The following TUBGCP4 variants were observed in gnomAD, a reference collection of about 807,000 sequenced individuals.
TUBGCP4 encodes gamma-tubulin complex component 4.
Under a neutral mutation model 91.6 loss-of-function variants are expected in TUBGCP4, and 54 were observed. That is an observed-to-expected ratio of 0.59 (90% confidence interval 0.47 to 0.74). TUBGCP4 has a LOEUF of 0.74. Among genes scored for constraint, TUBGCP4 ranks in the 30% least tolerant of loss-of-function variants. The pLI is 0.00. For synonymous variants in TUBGCP4, 297 were observed against 302.8 expected, an observed-to-expected ratio of 0.98 and a Z score of 0.20; for missense variants, 593 against 800.9, an observed-to-expected ratio of 0.74 and a Z score of 3.13.
rs1566892857 is a variant in TUBGCP4 at position 43,383,425 on chromosome 15, G to C, written c.644G>C (p.Ser215Thr). Residue 215 changes from serine to threonine, a missense_variant, in exon 7 of 18, where the codon AGT becomes ACT. Transcript: ENST00000564079. ...CAGGGGCCATCTTCTGGTAATGTCA[G>C]TGCCCAGCCAGAAGAGGACGAGGAG... ...IKQGPSSGNV[S>T]AQPEEDEEDL... 3 of 1,614,100 alleles carry C rather than the reference G, an allele frequency of 1.9e-6. No individual in the cohort carries two copies. The highest frequency in any genetic ancestry group is 2.5e-6 in the Non-Finnish European group (3 of 1,180,004).
intron 1 of TUBGCP4, among the ~76,000 whole-genome samples, chr15:43,372,200 T>C (rs1002262930): frequency 2.0e-5 from 3 of 152,168 alleles, no homozygotes; most frequent in Non-Finnish European, 2.9e-5. Flanking sequence ...AGTTAACAAA[T>C]GAGCAAACTG....
chr15:43,407,737 A>G lies in TUBGCP4; in HGVS notation c.*2523A>G, dbSNP rs1383635104. ...GACCAAAGGCAGAGTTATAATCACTATGTGCTGACCTTGTAGAAATATTTA... is the reference window on the plus strand; with the variant it reads ...GACCAAAGGCAGAGTTATAATCACTGTGTGCTGACCTTGTAGAAATATTTA... On this transcript the variant is annotated 3_prime_UTR_variant, in exon 18 of 18. Coordinates refer to ENST00000564079, the MANE Select transcript of TUBGCP4 (RefSeq NM_014444.5). The G allele has an allele frequency of 1.0e-5, 8 of 783,200 alleles. No homozygotes were observed. Among genetic ancestry groups the G allele is most frequent in the East Asian group, 2.7e-5 (1 of 37,288 alleles). The allele number at this position is 783,200 out of a possible 1,614,324, so 48.5% of individuals were successfully genotyped here.
At chr15:43,384,743 G>A (rs1018242286) in intron 7 of TUBGCP4, among the ~76,000 whole-genome samples, 21 of 152,180 alleles carry the variant, frequency 1.4e-4, no homozygotes, top group Non-Finnish European at 2.5e-4. Context: ...GGGGGCTATT[G>A]AATTTTAAGC....
At chr15:43,382,115 G>A (rs982359779) in intron 6 of TUBGCP4, among the ~76,000 whole-genome samples, 1 of 152,036 alleles carries the variant, frequency 6.6e-6, no homozygotes, top group Non-Finnish European at 1.5e-5. Context: ...AGGAGGCTGA[G>A]GTGGGAGGGT....
chr15:43,401,374 C>G (rs1435502385), intron 14 of TUBGCP4, among the ~76,000 whole-genome samples: 1 of 151,464 alleles, frequency 6.6e-6, no homozygotes, highest in Non-Finnish European at 1.5e-5. Flanking sequence ...TTGCTTGAAC[C>G]CTGGTATGTG....
chr15:43,386,745 A>AAAT (rs1458451773), intron 9 of TUBGCP4, among the ~76,000 whole-genome samples: 6 of 151,300 alleles, frequency 4.0e-5, no homozygotes, highest in African/African-American at 1.5e-4. Context: ...AAAAAAAAAA[A>AAAT]AAAAGACACT....
intron 9 of TUBGCP4, among the ~76,000 whole-genome samples, chr15:43,388,501 C>T (rs1027068317): frequency 5.3e-5 from 8 of 152,136 alleles, no homozygotes; most frequent in African/African-American, 1.9e-4. Flanking sequence ...GCTTCAACCC[C>T]GTCTATAGGC....
chr15:43,407,869 G>A lies in TUBGCP4; in HGVS notation c.*2655G>A. The A allele has an allele frequency of 6.9e-7, 1 of 1,439,164 alleles. No homozygotes were observed. Among genetic ancestry groups the A allele is most frequent in the Non-Finnish European group, 9.4e-7 (1 of 1,065,714 alleles). 89.1% of individuals were successfully genotyped at this position (1,439,164 alleles called of 1,614,324 possible). A position where few individuals can be genotyped will look rare whatever the true frequency, so the allele number is the denominator to read the frequency against. The stretch of plus-strand genomic sequence containing the variant: ...GTCAACCTATTAGGCCTGAGCCTTG[G>A]ACCACAAGGCCTAACACCTACAGGT... On this transcript the variant is annotated 3_prime_UTR_variant, in exon 18 of 18. Coordinates refer to ENST00000564079, the MANE Select transcript of TUBGCP4 (RefSeq NM_014444.5).
chr15:43,379,377 C>T (rs1360672934), intron 5 of TUBGCP4, among the ~76,000 whole-genome samples: 2 of 152,206 alleles, frequency 1.3e-5, no homozygotes, highest in Non-Finnish European at 2.9e-5. Flanking sequence ...CATGGTGGCT[C>T]ACGCCTGTAA....
At chr15:43,380,269 G>A (rs1298386363) in intron 6 of TUBGCP4, 106 bp downstream of exon 6, 2 of 1,025,892 alleles carry the variant, frequency 1.9e-6, no homozygotes, top group Non-Finnish European at 2.9e-6. Context: ...CTCTTGGGAA[G>A]GTTATAACCA....
At chr15:43,395,227 C>G in intron 10 of TUBGCP4, 70 bp downstream of exon 10, 2 of 1,559,514 alleles carry the variant, frequency 1.3e-6, no homozygotes, top group Non-Finnish European at 1.8e-6. Context: ...CTGATGTTTC[C>G]TGAGAGCACT....
chr15:43,372,495 C>T lies in TUBGCP4; in HGVS notation c.78+1063C>T, dbSNP rs1158103844. ...ACCTGTAGGTCTTTGAAGACTAATTCGATGTTTCACTTTTCTCCATAGATC... is the reference window on the plus strand; with the variant it reads ...ACCTGTAGGTCTTTGAAGACTAATTTGATGTTTCACTTTTCTCCATAGATC... On this transcript the variant is annotated intron_variant, in intron 1 of 17. Coordinates refer to ENST00000564079, the MANE Select transcript of TUBGCP4 (RefSeq NM_014444.5). Among the ~76,000 whole-genome samples, 4 of 151,934 alleles carry T rather than the reference C, an allele frequency of 2.6e-5. No homozygotes were observed. In the East Asian group the frequency reaches 7.7e-4, roughly 29 times the overall value.
rs531085922 is a variant in TUBGCP4, at chr15:43,387,944, G to C, written c.1014+1614G>C. ...GCTCACTACAAACTCCGCCTCCCGG[G>C]TTGAAGCAATTCACGTGCCTCAGCC... On this transcript the variant is annotated intron_variant, in intron 9 of 17. Transcript: ENST00000564079. 3.9e-5 allele frequency among the ~76,000 whole-genome samples: 6 copies of C among 152,230 alleles called. No homozygotes were observed. The South Asian group carries it at 1.2e-3, about 32-fold the overall frequency.
At position 43,408,833 on chromosome 15, in the gene TUBGCP4, C is replaced by T. The variant is rs148650145; in HGVS notation, c.*3619C>T. On this transcript the variant is annotated 3_prime_UTR_variant, in exon 18 of 18. Transcript: ENST00000564079. ...AAAGCTTTACTCTCTCACCTAGATT[C>T]TCTTCCCTCCAAAGCTTGCTGTCCT... is the stretch of plus-strand genomic sequence containing the variant. 2 of 1,521,130 alleles carry T rather than the reference C, an allele frequency of 1.3e-6. No homozygotes were observed. The highest frequency in any genetic ancestry group is 1.8e-6 in the Non-Finnish European group (2 of 1,098,136). 94.2% of individuals were successfully genotyped at this position (1,521,130 alleles called of 1,614,324 possible).
chr15:43,400,384 CATTTTATTTT>C (rs1044634598), intron 14 of TUBGCP4, among the ~76,000 whole-genome samples, 163 bp downstream of exon 14: 1 of 152,012 alleles, frequency 6.6e-6, no homozygotes, highest in South Asian at 2.1e-4. Flanking sequence ...ATAAAAAAAG[CATTTTATTTT>C]ATTTTATTTT....
Position 43,371,197 on chromosome 15 carries a change from C to T in TUBGCP4, c.-158C>T. On this transcript the variant is annotated 5_prime_UTR_variant, in exon 1 of 18. Coordinates refer to ENST00000564079, the MANE Select transcript of TUBGCP4 (RefSeq NM_014444.5). ...CGACCCCTTCCCAGCTTCCCGTCCG[C>T]TCCGCCGCAGCGATTGTCTCGGTGG... 1 of 732,964 alleles carries T rather than the reference C, an allele frequency of 1.4e-6. No individual in the cohort carries two copies. The highest frequency in any genetic ancestry group is 2.7e-5 in the East Asian group (1 of 36,966). The allele number at this position is 732,964 out of a possible 1,614,324, so 45.4% of individuals were successfully genotyped here. A position where few individuals can be genotyped will look rare whatever the true frequency, so the allele number is the denominator to read the frequency against.
intron 5 of TUBGCP4, 56 bp from the exon 6 acceptor site, chr15:43,380,028 G>C: frequency 6.5e-7 from 1 of 1,536,868 alleles, no homozygotes; most frequent in South Asian, 1.1e-5. Flanking sequence ...ATAAGAATGT[G>C]TCTTGCATGG....
chr15:43,399,188 A>G lies in TUBGCP4; in HGVS notation c.1419-856A>G, dbSNP rs2044628395. The G allele has an allele frequency of 8.2e-6, 10 of 1,215,454 alleles. No individual in the cohort carries two copies. In the Admixed American group the frequency reaches 1.4e-4, roughly 17 times the overall value. 75.3% of individuals were successfully genotyped at this position (1,215,454 alleles called of 1,614,324 possible). A position where few individuals can be genotyped will look rare whatever the true frequency, so the allele number is the denominator to read the frequency against. On this transcript the variant is annotated intron_variant, in intron 13 of 17. Transcript: ENST00000564079. Reference sequence around the variant, plus strand: ...ACCTACAAACAGGTAAATAAATCCTATTCTACCAGGAATCAGCTGTTCTTC... The same window carrying G: ...ACCTACAAACAGGTAAATAAATCCTGTTCTACCAGGAATCAGCTGTTCTTC...
Position 43,408,519 on chromosome 15 carries a change from C to CT in TUBGCP4, c.*3307dup, listed in dbSNP as rs45549038. ...CTATATTAGGGTCCCCCTTCTCTTC[C>CT]TTCTTTCTATGAATGATCTGTATTC... On this transcript the variant is annotated 3_prime_UTR_variant, in exon 18 of 18. Coordinates refer to ENST00000564079, the MANE Select transcript of TUBGCP4 (RefSeq NM_014444.5). The CT allele has an allele frequency of 4.0e-3, 1,082 of 269,572 alleles. 10 individuals are homozygous for CT. Among genetic ancestry groups the CT allele is most frequent in the African/African-American group, 0.022 (1,008 of 45,682 alleles). 16.7% of individuals were successfully genotyped at this position (269,572 alleles called of 1,614,324 possible).
Sources: allele counts gnomAD v4.1 joint callset (sites outside exome capture counted in the v4.1 genomes callset), GRCh38; gene constraint gnomAD v4.1.1; transcripts MANE v1.5; gene names NCBI Gene and HGNC (gene_info 2026-07-23, HGNC 2026-07-21).